RBM44: variants seen among roughly 807,000 people sequenced by gnomAD.
RBM44 encodes RNA binding motif protein 44.
RBM44 carries 66 observed loss-of-function variants against 105.1 expected under a neutral mutation model. The observed-to-expected ratio is 0.63, with a 90% CI of 0.52 to 0.77. The LOEUF (loss-of-function observed/expected upper bound fraction) is 0.77, where lower values mean the gene tolerates loss of function less well. Ranked by LOEUF, RBM44 falls within the 30% of genes least tolerant of loss-of-function variation. The pLI is 0.00. For synonymous variants in RBM44, 365 were observed against 417.6 expected (o/e 0.87, Z 1.54); for missense variants, 1,122 against 1,207.8 (o/e 0.93, Z 1.05).
chr2:237,829,610 G>A (rs2061884028), intron 13 of RBM44, 108 bp downstream of exon 13: 2 of 966,840 alleles, frequency 2.1e-6, no homozygotes, highest in Non-Finnish European at 1.5e-6. Flanking sequence ...GGGAATGACA[G>A]CATTAATCTG....
rs140869810 is a variant in RBM44 at position 237,841,200 on chromosome 2, A to G, written c.*23-639A>G. On this transcript the variant is annotated intron_variant, in intron 15 of 15. Coordinates refer to ENST00000316997, the MANE Select transcript of RBM44 (RefSeq NM_001080504.3). This position sits in a 1 kb window ranked among gnomAD's most constrained non-coding sequence, Gnocchi z 4.5. The stretch of plus-strand genomic sequence containing the variant: ...CCCATCCGTGGTAGACTGGATAAAG[A>G]TAAGTGTATATATACACCATGGAGT... 9.9e-4 allele frequency among the ~76,000 whole-genome samples: 151 copies of G among 152,384 alleles called. 4 individuals carry two copies. Among genetic ancestry groups the G allele is most frequent in the African/African-American group, 3.3e-3 (138 of 41,594 alleles).
chr2:237,834,517 T>A, intron 15 of RBM44, 94 bp downstream of exon 15: 2 of 581,510 alleles, frequency 3.4e-6, no homozygotes, highest in South Asian at 2.9e-5. Context: ...ATATTAAATT[T>A]AAAATAATAA....
intron 1 of RBM44, among the ~76,000 whole-genome samples, chr2:237,809,992 T>C (rs1040877102): frequency 6.6e-6 from 1 of 152,158 alleles, no homozygotes; most frequent in East Asian, 1.9e-4. Flanking sequence ...ATGGCAAACC[T>C]TCATGATAAT....
Position 237,818,639 on chromosome 2 carries a change from GAGAC to G in RBM44, c.1677+46_1677+49del. 10 of 1,334,364 alleles carry G rather than the reference GAGAC, an allele frequency of 7.5e-6. No homozygotes were observed. The highest frequency in any genetic ancestry group is 9.0e-6 in the Non-Finnish European group (9 of 994,866). The allele number at this position is 1,334,364 out of a possible 1,614,324, so 82.7% of individuals were successfully genotyped here. A position where few individuals can be genotyped will look rare whatever the true frequency, so the allele number is the denominator to read the frequency against. Reference sequence around the variant, plus strand: ...AATAATAAAATTTGGACTTTATAAAGAGACAGTGTATGCTAATGTAAGTGTTTTT... The same window carrying G: ...AATAATAAAATTTGGACTTTATAAAGAGTGTATGCTAATGTAAGTGTTTTT... On this transcript the variant is annotated intron_variant, in intron 3 of 15. Coordinates refer to ENST00000316997, the MANE Select transcript of RBM44 (RefSeq NM_001080504.3). This position sits in a 1 kb window ranked among gnomAD's most constrained non-coding sequence, Gnocchi z 4.6.
intron 1 of RBM44, among the ~76,000 whole-genome samples, chr2:237,801,062 G>A (rs1308433429): frequency 6.6e-6 from 1 of 152,174 alleles, no homozygotes; most frequent in Non-Finnish European, 1.5e-5. Flanking sequence ...CGGGCTGGGT[G>A]CAGTGGTTTA....
rs185788499 is a variant in RBM44, at chr2:237,841,325, C to T, written c.*23-514C>T. Among the ~76,000 whole-genome samples, 7 of 152,226 alleles carry T rather than the reference C, an allele frequency of 4.6e-5. No individual in the cohort carries two copies. In the East Asian group the frequency reaches 1.4e-3, roughly 29 times the overall value. On this transcript the variant is annotated intron_variant, in intron 15 of 15. Coordinates refer to ENST00000316997, the MANE Select transcript of RBM44 (RefSeq NM_001080504.3). This position sits in a 1 kb window ranked among gnomAD's most constrained non-coding sequence, Gnocchi z 4.5. ...AGCAAACTAATGCAGGAACAGAAAACCAAATACCACGTGATCTTACTTATA... is the reference window on the plus strand; with the variant it reads ...AGCAAACTAATGCAGGAACAGAAAATCAAATACCACGTGATCTTACTTATA...
In RBM44 at chr2:237,820,032, T is replaced by C. The variant is rs541830576; in HGVS notation, c.1737-143T>C. On this transcript the variant is annotated intron_variant, in intron 4 of 15. Transcript: ENST00000316997. ...CTTGTTTTCTGAAGTTGTTATATATTCCTACAGCCTCTTCATCTTTAGTAT... is the reference window on the plus strand; with the variant it reads ...CTTGTTTTCTGAAGTTGTTATATATCCCTACAGCCTCTTCATCTTTAGTAT... 7.4e-5 allele frequency: 32 copies of C among 431,376 alleles called. 1 individual carries two copies. Among genetic ancestry groups the C allele is most frequent in the Non-Finnish European group, 1.2e-4 (30 of 245,110 alleles). 26.7% of individuals were successfully genotyped at this position (431,376 alleles called of 1,614,324 possible).
At chr2:237,827,688 TC>T (rs2061862095) in intron 12 of RBM44, among the ~76,000 whole-genome samples, 185 bp downstream of exon 12, 1 of 152,136 alleles carries the variant, frequency 6.6e-6, no homozygotes, top group African/African-American at 2.4e-5. Flanking sequence ...CTTAACCAGA[TC>T]TTTTTTTTCA....
Position 237,842,033 on chromosome 2 carries a change from A to G in RBM44, c.*217A>G, listed in dbSNP as rs530392701. On this transcript the variant is annotated 3_prime_UTR_variant, in exon 16 of 16. Transcript: ENST00000316997. ...TATTAAGATCTTCTCTATATATTTA[A>G]AGTTAAAATATAATTTTTAATAAGT... 6.6e-6 allele frequency: 1 copy of G among 152,200 alleles called. No individual in the cohort carries two copies. The highest frequency in any genetic ancestry group is 1.9e-4 in the East Asian group (1 of 5,192). The allele number at this position is 152,200 out of a possible 1,614,324, so 9.4% of individuals were successfully genotyped here. A position where few individuals can be genotyped will look rare whatever the true frequency, so the allele number is the denominator to read the frequency against.
In RBM44 at chr2:237,829,378, C is replaced by A. The variant is rs1288606614; in HGVS notation, c.2762C>A (p.Ser921Ter). 2 of 1,613,456 alleles carry A rather than the reference C, an allele frequency of 1.2e-6. No homozygotes were observed. The highest frequency in any genetic ancestry group is 1.1e-5 in the South Asian group (1 of 91,058). The change falls in exon 13 of 16, where the codon TCG (serine) becomes TAG (stop). Residue 921 changes from serine to a stop codon, truncating the protein, a stop_gained. Coordinates refer to ENST00000316997, the MANE Select transcript of RBM44 (RefSeq NM_001080504.3). LOFTEE classifies it high-confidence loss of function. ...LSSKNGNRIS[S>*]NNLEKSTNKQ... ...TCCAAAAATGGGAATAGAATTAGTT[C>A]GAATAATTTAGAGAAAAGCACCAAC...
Position 237,798,882 on chromosome 2 carries a change from G to C in RBM44, c.-19+21G>C, listed in dbSNP as rs1189773280. ...CCGAGGTGCGACGGACAGAGACGCGGGGCGGCAGGTCGGGCGGCGAAGCCG... is the reference window on the plus strand; with the variant it reads ...CCGAGGTGCGACGGACAGAGACGCGCGGCGGCAGGTCGGGCGGCGAAGCCG... On this transcript the variant is annotated intron_variant, in intron 1 of 15. Transcript: ENST00000316997. The surrounding 1 kb of genome is among the most constrained non-coding windows in gnomAD (Gnocchi z 4.3). 1 of 153,384 alleles carries C rather than the reference G, an allele frequency of 6.5e-6. No individual in the cohort carries two copies. Among genetic ancestry groups the C allele is most frequent in the Non-Finnish European group, 1.4e-5 (1 of 69,052 alleles). The allele number at this position is 153,384 out of a possible 1,614,324, so 9.5% of individuals were successfully genotyped here.
At position 237,817,670 on chromosome 2, in the gene RBM44, G is replaced by T; in HGVS notation, c.751G>T (p.Asp251Tyr). The change falls in exon 3 of 16, where the codon GAT becomes TAT. Residue 251 changes from aspartate to tyrosine, a missense_variant. Physicochemically the swap from Asp to Tyr is radical, Grantham distance 160 (BLOSUM62 -3). Transcript: ENST00000316997. Reference protein sequence around the residue: ...SGSIISFDSLDVYGQEESLHV... With the variant: ...SGSIISFDSLYVYGQEESLHV... ...TTCTATCATCTCTTTCGATTCACTTGATGTTTATGGACAAGAAGAGTCACT... is the reference window on the plus strand; with the variant it reads ...TTCTATCATCTCTTTCGATTCACTTTATGTTTATGGACAAGAAGAGTCACT... The T allele has an allele frequency of 6.2e-7, 1 of 1,612,692 alleles. No homozygotes were observed. The highest frequency in any genetic ancestry group is 1.1e-5 in the South Asian group (1 of 91,018).
Position 237,818,332 on chromosome 2 carries a change from C to T in RBM44, c.1413C>T (p.Ser471=). The T allele has an allele frequency of 1.2e-6, 2 of 1,613,156 alleles. No homozygotes were observed. Among genetic ancestry groups the T allele is most frequent in the Non-Finnish European group, 1.7e-6 (2 of 1,179,456 alleles). The change falls in exon 3 of 16, where the codon AGC becomes AGT. Residue 471 remains serine (S), a synonymous_variant. Transcript: ENST00000316997. This position sits in a 1 kb window ranked among gnomAD's most constrained non-coding sequence, Gnocchi z 4.6. ...CAATTAATCAGACAGTGGACGTTAG[C>T]ACTGATTTTAGGGCTTGTTTCACAA... ...TVTINQTVDV[S]TDFRACFTTS...
chr2:237,802,230 A>G (rs1306392150), intron 1 of RBM44, among the ~76,000 whole-genome samples: 1 of 152,192 alleles, frequency 6.6e-6, no homozygotes. Context: ...CAAAATATCC[A>G]GATTGTAGGA....
At position 237,816,997 on chromosome 2, in the gene RBM44, A is replaced by G. The variant is rs1435913550; in HGVS notation, c.78A>G (p.Lys26=). The G allele has an allele frequency of 2.0e-6, 3 of 1,508,788 alleles. No individual in the cohort carries two copies. Among genetic ancestry groups the G allele is most frequent in the Non-Finnish European group, 2.7e-6 (3 of 1,123,724 alleles). 93.5% of individuals were successfully genotyped at this position (1,508,788 alleles called of 1,614,324 possible). The part of the protein sequence containing the change: ...HSNGGNLQKD[K]PSNPKKENLL... The stretch of plus-strand genomic sequence containing the variant: ...TTTTATCCTTTTTTTAATCAGATAA[A>G]CCTTCAAATCCAAAGAAAGAAAATT... Residue 26 remains lysine, a synonymous_variant, in exon 3 of 16, where the codon AAA becomes AAG. Transcript: ENST00000316997.
intron 5 of RBM44, 163 bp from the exon 6 acceptor site, chr2:237,820,908 C>G: frequency 1.9e-6 from 1 of 513,954 alleles, no homozygotes; most frequent in East Asian, 3.2e-5. Flanking sequence ...TACAAATTAG[C>G]TGGGCATTGT....
chr2:237,817,496 G>T lies in RBM44; in HGVS notation c.577G>T (p.Glu193Ter). The T allele has an allele frequency of 6.2e-7, 1 of 1,605,596 alleles. No homozygotes were observed. The highest frequency in any genetic ancestry group is 8.5e-7 in the Non-Finnish European group (1 of 1,175,400). ...ACAGCAGGAATATCACAGTGCAGAAGAACAAGAATACATAAGTAACCATTT... is the reference window on the plus strand; with the variant it reads ...ACAGCAGGAATATCACAGTGCAGAATAACAAGAATACATAAGTAACCATTT... The part of the protein sequence containing the change: ...DSQQEYHSAE[E>*]QEYISNHLSF... Residue 193 changes from glutamate to a stop codon, truncating the protein, a stop_gained, in exon 3 of 16, where the codon GAA (glutamate) becomes TAA (stop). Transcript: ENST00000316997. LOFTEE classifies it high-confidence loss of function.
chr2:237,814,764 A>G (rs1022625061), intron 2 of RBM44, among the ~76,000 whole-genome samples: 1 of 152,164 alleles, frequency 6.6e-6, no homozygotes, highest in African/African-American at 2.4e-5. Context: ...AAGGAAAACA[A>G]TGGATTATTT....
Position 237,820,155 on chromosome 2 carries a change from C to A in RBM44, c.1737-20C>A. 7.1e-7 allele frequency: 1 copy of A among 1,411,894 alleles called. No individual in the cohort carries two copies. The highest frequency in any genetic ancestry group is 2.6e-5 in the Admixed American group (1 of 38,672). 87.5% of individuals were successfully genotyped at this position (1,411,894 alleles called of 1,614,324 possible). A position where few individuals can be genotyped will look rare whatever the true frequency, so the allele number is the denominator to read the frequency against. On this transcript the variant is annotated intron_variant, in intron 4 of 15. Coordinates refer to ENST00000316997, the MANE Select transcript of RBM44 (RefSeq NM_001080504.3). ...AAAAATGTTTGGAATCTTACCTGAT[C>A]CTATCTTTTATTTTTAAAGGGAATT... is the stretch of plus-strand genomic sequence containing the variant.
Sources: allele counts gnomAD v4.1 joint callset (sites outside exome capture counted in the v4.1 genomes callset), GRCh38; gene constraint gnomAD v4.1.1; non-coding constraint Gnocchi (gnomAD v3.1); transcripts MANE v1.5; gene names NCBI Gene and HGNC (gene_info 2026-07-23, HGNC 2026-07-21).